TBC1D32: variants seen among roughly 807,000 people sequenced by gnomAD.
The protein encoded by TBC1D32 is protein broad-minded.
In TBC1D32, 151 loss-of-function variants were observed where a neutral mutation model predicts 170.3. The observed-to-expected ratio is 0.89, with a 90% CI of 0.78 to 1.01. The LOEUF is 1.01. Ranked by LOEUF, TBC1D32 falls within the 50% of genes least tolerant of loss-of-function variation. TBC1D32 has a pLI of 0.00. For synonymous variants in TBC1D32, 498 were observed against 488.0 expected, an observed-to-expected ratio of 1.02 and a Z score of -0.27; for missense variants, 1,464 against 1,457.1, an observed-to-expected ratio of 1.00 and a Z score of -0.08.
chr6:121,328,219 C>A (rs927639928), intron 1 of TBC1D32, among the ~76,000 whole-genome samples: 6 of 151,928 alleles, frequency 3.9e-5, no homozygotes, highest in Non-Finnish European at 5.9e-5. Flanking sequence ...TAATTAAAGT[C>A]TATTAGTATT....
At chr6:121,239,881 T>C (rs549155513) in intron 19 of TBC1D32, among the ~76,000 whole-genome samples, 5 of 152,176 alleles carry the variant, frequency 3.3e-5, no homozygotes, top group African/African-American at 1.2e-4. Flanking sequence ...ATAACAACAA[T>C]ATTCGATCAG....
intron 21 of TBC1D32, among the ~76,000 whole-genome samples, chr6:121,217,556 T>A (rs547930792): frequency 4.6e-5 from 7 of 152,268 alleles, no homozygotes; most frequent in African/African-American, 1.7e-4. Flanking sequence ...GAAAATCAAA[T>A]ACCACATGTT....
chr6:121,145,901 A>G (rs941350763), intron 24 of TBC1D32, among the ~76,000 whole-genome samples: 3 of 152,194 alleles, frequency 2.0e-5, no homozygotes, highest in Non-Finnish European at 4.4e-5. Flanking sequence ...ATGAAAAGTG[A>G]TATTAAATGA....
intron 9 of TBC1D32, among the ~76,000 whole-genome samples, chr6:121,299,727 A>C (rs1427391528): frequency 6.6e-6 from 1 of 152,224 alleles, no homozygotes; most frequent in Non-Finnish European, 1.5e-5. Flanking sequence ...TTAGTGACTG[A>C]CCAGTAGAAG....
intron 30 of TBC1D32, among the ~76,000 whole-genome samples, chr6:121,097,266 C>T (rs1777524644): frequency 6.6e-6 from 1 of 152,164 alleles, no homozygotes; most frequent in South Asian, 2.1e-4. Context: ...AGGCAACCTA[C>T]AGAATGGGAA....
At chr6:121,189,482 T>C (rs1012824139) in intron 22 of TBC1D32, among the ~76,000 whole-genome samples, 1 of 150,836 alleles carries the variant, frequency 6.6e-6, no homozygotes, top group Non-Finnish European at 1.5e-5. Context: ...GTTCATTATA[T>C]TGACCCTATA....
At chr6:121,290,187 G>C (rs532451552) in intron 12 of TBC1D32, among the ~76,000 whole-genome samples, 9 of 152,108 alleles carry the variant, frequency 5.9e-5, no homozygotes, top group Non-Finnish European at 1.0e-4. Context: ...CACAGCAAAA[G>C]AAACTACCAT....
rs755195166 is a variant in TBC1D32, at chr6:121,079,622, G to A, written c.*1149C>T. ...TAAAAATGAATAATGTAATATATTC[G>A]TGTATTATCTTTCATATACTCATTG... On this transcript the variant is annotated 3_prime_UTR_variant, in exon 32 of 32. Transcript: ENST00000398212. The A allele has an allele frequency of 8.6e-5, 13 of 151,988 alleles. No homozygotes were observed. The highest frequency in any genetic ancestry group is 1.9e-4 in the Non-Finnish European group (13 of 67,950). The allele number at this position is 151,988 out of a possible 1,614,324, so 9.4% of individuals were successfully genotyped here.
chr6:121,224,356 T>C (rs1794840586), intron 20 of TBC1D32: 1 of 152,132 alleles, frequency 6.6e-6, no homozygotes, highest in Non-Finnish European at 1.5e-5. Context: ...ATATTAATTG[T>C]ACTTACTTGC....
At chr6:121,143,882 A>G (rs1783108284) in intron 24 of TBC1D32, among the ~76,000 whole-genome samples, 1 of 152,090 alleles carries the variant, frequency 6.6e-6, no homozygotes, top group South Asian at 2.1e-4. Context: ...ATGAAGCTGG[A>G]CATGCTTCTG....
intron 22 of TBC1D32, among the ~76,000 whole-genome samples, chr6:121,177,220 C>T (rs757061618): frequency 6.6e-6 from 1 of 152,042 alleles, no homozygotes; most frequent in South Asian, 2.1e-4. Flanking sequence ...CTGGGTCATA[C>T]GGGTGAATTT....
intron 11 of TBC1D32, among the ~76,000 whole-genome samples, chr6:121,292,423 T>C (rs1038002627): frequency 3.3e-5 from 5 of 152,172 alleles, no homozygotes; most frequent in African/African-American, 1.2e-4. Context: ...ATAGTATACA[T>C]ATAGTGTCCA....
intron 20 of TBC1D32, among the ~76,000 whole-genome samples, chr6:121,237,614 T>A (rs1796476373): frequency 6.6e-6 from 1 of 151,788 alleles, no homozygotes; most frequent in East Asian, 1.9e-4. Flanking sequence ...AGTTCACTAC[T>A]TCTTCTATTA....
At chr6:121,117,037 G>C (rs1779753456) in intron 26 of TBC1D32, among the ~76,000 whole-genome samples, 1 of 152,104 alleles carries the variant, frequency 6.6e-6, no homozygotes, top group African/African-American at 2.4e-5. Flanking sequence ...TGCCAAGAGG[G>C]AATGTCCAGT....
intron 22 of TBC1D32, among the ~76,000 whole-genome samples, chr6:121,197,277 G>C (rs1413661932): frequency 2.0e-5 from 3 of 152,132 alleles, no homozygotes; most frequent in African/African-American, 7.2e-5. Flanking sequence ...GCCCAATCCA[G>C]GCAGGACTAC....
chr6:121,324,430 G>A (rs1026435241), intron 1 of TBC1D32, among the ~76,000 whole-genome samples: 1 of 151,820 alleles, frequency 6.6e-6, no homozygotes, highest in East Asian at 1.9e-4. Flanking sequence ...ATGCTTTAAG[G>A]GAATAAGTAT....
At chr6:121,274,312 G>A (rs1044542764) in intron 15 of TBC1D32, among the ~76,000 whole-genome samples, 16 of 151,236 alleles carry the variant, frequency 1.1e-4, no homozygotes, top group African/African-American at 3.6e-4. Flanking sequence ...CAGCCTGGGC[G>A]ACAGAGTCAT....
At chr6:121,195,676 G>T (rs1267108014) in intron 22 of TBC1D32, among the ~76,000 whole-genome samples, 1 of 152,142 alleles carries the variant, frequency 6.6e-6, no homozygotes, top group East Asian at 1.9e-4. Context: ...CCCCCAGCTT[G>T]CACAGATGGC....
intron 31 of TBC1D32, among the ~76,000 whole-genome samples, chr6:121,084,876 A>C (rs966419325): frequency 6.6e-6 from 1 of 152,090 alleles, no homozygotes; most frequent in Non-Finnish European, 1.5e-5. Context: ...TCTTTCCCAA[A>C]TATTTAATTA....
Sources: gnomAD v4.1 joint callset for allele counts (sites outside exome capture counted in the v4.1 genomes callset) on GRCh38, gnomAD v4.1.1 for gene constraint, MANE v1.5 for transcripts, NCBI Gene and HGNC (gene_info 2026-07-23, HGNC 2026-07-21) for gene names.